Variants in TUSC3 observed in about 807,000 individuals in gnomAD.
TUSC3 encodes tumor suppressor candidate 3, also known as dolichyl-diphosphooligosaccharide--protein glycosyltransferase subunit TUSC3.
In TUSC3, 45 loss-of-function variants were observed where a neutral mutation model predicts 44.8. That is an observed-to-expected ratio of 1.00 (90% confidence interval 0.79 to 1.29). TUSC3 has a LOEUF of 1.29. TUSC3 is among the 50% of genes most tolerant of loss of function. The pLI, the probability that TUSC3 is intolerant of heterozygous loss-of-function variation, is 0.00. For synonymous variants in TUSC3, 212 were observed against 152.9 expected, an observed-to-expected ratio of 1.39 and a Z score of -2.85; for missense variants, 519 against 437.9, an observed-to-expected ratio of 1.19 and a Z score of -1.65.
intron 1 of TUSC3, among the ~76,000 whole-genome samples, chr8:15,454,273 C>G (rs1175130075): frequency 6.6e-6 from 1 of 152,148 alleles, no homozygotes; most frequent in Non-Finnish European, 1.5e-5. Flanking sequence ...CATTTTATTC[C>G]TGATCTAAAG....
the TUSC3 span, among the ~76,000 whole-genome samples, chr8:15,785,811 A>C: frequency 6.9e-6 from 1 of 144,530 alleles, no homozygotes; most frequent in African/African-American, 2.4e-5. Context: ...CTAACGTGCC[A>C]GGAAATGAAA....
rs1812333141 is a variant in TUSC3 at position 15,766,633 on chromosome 8, G to A, written c.*2477G>A. ...TGTTCCTGGCATTAGATATTCACAT[G>A]AGTAAGCCCAGTAGCATTTTGTGCT... On this transcript the variant is annotated 3_prime_UTR_variant, in exon 11 of 11. Coordinates refer to ENST00000503731, the MANE Select transcript of TUSC3 (RefSeq NM_006765.4). 6.6e-6 allele frequency: 1 copy of A among 151,982 alleles called. No homozygotes were observed. Among genetic ancestry groups the A allele is most frequent in the Non-Finnish European group, 1.5e-5 (1 of 67,994 alleles). 9.4% of individuals were successfully genotyped at this position (151,982 alleles called of 1,614,324 possible).
intron 6 of TUSC3, among the ~76,000 whole-genome samples, chr8:15,702,436 A>G (rs1809444983): frequency 6.6e-6 from 1 of 152,168 alleles, no homozygotes; most frequent in Admixed American, 6.5e-5. Flanking sequence ...GAAATGCTTA[A>G]TAGTGCTTTC....
At chr8:15,555,849 G>C (rs893456821) in intron 1 of TUSC3, among the ~76,000 whole-genome samples, 1 of 151,330 alleles carries the variant, frequency 6.6e-6, no homozygotes, top group Non-Finnish European at 1.5e-5. Flanking sequence ...TCTTTCAGCT[G>C]TGGGTCATTT....
At chr8:15,767,554 C>A (rs957590418), downstream of TUSC3, among the ~76,000 whole-genome samples, 2 of 152,016 alleles carry the variant, frequency 1.3e-5, no homozygotes, top group African/African-American at 4.8e-5. Flanking sequence ...TGAAACTCAG[C>A]TGGATAGCTT....
chr8:15,614,384 C>T (rs1375810126), intron 1 of TUSC3, among the ~76,000 whole-genome samples: 1 of 152,104 alleles, frequency 6.6e-6, no homozygotes, highest in Non-Finnish European at 1.5e-5. Flanking sequence ...ACAACCATCA[C>T]TAGAAATCAG....
At chr8:15,847,186 T>A in the TUSC3 span, among the ~76,000 whole-genome samples, 473 of 152,244 alleles carry the variant, frequency 3.1e-3, 1 homozygote, top group African/African-American at 0.011. Flanking sequence ...GGGAAGGACT[T>A]TGAACCCCTG....
At chr8:15,531,158 A>T (rs954079828) in intron 2 of TUSC3, among the ~76,000 whole-genome samples, 2 of 152,216 alleles carry the variant, frequency 1.3e-5, no homozygotes, top group African/African-American at 4.8e-5. Context: ...AGGCCAACAA[A>T]TAAAATCCCA....
At chr8:15,491,647 A>T (rs980504174) in intron 2 of TUSC3, among the ~76,000 whole-genome samples, 1 of 152,180 alleles carries the variant, frequency 6.6e-6, no homozygotes, top group Non-Finnish European at 1.5e-5. Flanking sequence ...CCTTCTGTGC[A>T]ATATTCTTTC....
intron 9 of TUSC3, among the ~76,000 whole-genome samples, chr8:15,751,754 G>C (rs368497650): frequency 6.6e-6 from 1 of 152,134 alleles, no homozygotes; most frequent in African/African-American, 2.4e-5. Context: ...ATGTATTTGG[G>C]AAAAAGGTGT....
At chr8:15,741,199 C>T (rs963381783) in intron 7 of TUSC3, among the ~76,000 whole-genome samples, 2 of 152,030 alleles carry the variant, frequency 1.3e-5, no homozygotes, top group African/African-American at 4.8e-5. Context: ...ACCCTAAGAA[C>T]ATACTAATAT....
At chr8:15,443,337 TG>T (rs1800045856) in intron 1 of TUSC3, among the ~76,000 whole-genome samples, 951 of 8,148 alleles carry the variant, frequency 0.12, 10 homozygotes, top group African/African-American at 0.29. Context: ...CCCACCTAAT[TG>T]TGTGTGTGTG....
intron 2 of TUSC3, among the ~76,000 whole-genome samples, chr8:15,502,158 C>T (rs557816322): frequency 1.3e-5 from 2 of 152,174 alleles, no homozygotes; most frequent in Non-Finnish European, 2.9e-5. Flanking sequence ...ACACTGTTCA[C>T]GTGTAAGTCA....
chr8:15,490,953 C>T (rs2129125791), intron 2 of TUSC3, among the ~76,000 whole-genome samples: 1 of 152,220 alleles, frequency 6.6e-6, no homozygotes, highest in East Asian at 1.9e-4. Flanking sequence ...TCCATGCTTT[C>T]TTCCAAAGAG....
chr8:15,643,419 T>TTC (rs2129172562), intron 2 of TUSC3, among the ~76,000 whole-genome samples: 1 of 152,170 alleles, frequency 6.6e-6, no homozygotes, highest in African/African-American at 2.4e-5. Context: ...TGTTTTTTTT[T>TTC]TTTTAAGGAG....
At chr8:15,775,559 C>T in the TUSC3 span, among the ~76,000 whole-genome samples, 11 of 151,550 alleles carry the variant, frequency 7.3e-5, no homozygotes, top group South Asian at 4.2e-4. Flanking sequence ...TTCTCTTATC[C>T]GGACTTCAGT....
At chr8:15,701,076 C>T (rs952264248) in intron 6 of TUSC3, among the ~76,000 whole-genome samples, 4 of 151,920 alleles carry the variant, frequency 2.6e-5, no homozygotes, top group East Asian at 1.9e-4. Flanking sequence ...CAAGTACATC[C>T]ATCTTGTCTG....
intron 1 of TUSC3, among the ~76,000 whole-genome samples, chr8:15,419,130 G>A (rs2129114709): frequency 6.6e-6 from 1 of 152,288 alleles, no homozygotes; most frequent in Non-Finnish European, 1.5e-5. Context: ...GCTGTGTAAA[G>A]AAGTCCATTT....
chr8:15,447,301 A>G (rs1042960633), intron 1 of TUSC3, among the ~76,000 whole-genome samples: 1 of 152,170 alleles, frequency 6.6e-6, no homozygotes, highest in Non-Finnish European at 1.5e-5. Flanking sequence ...GAAAAACGTT[A>G]TAACTCAATT....
Sources: allele counts gnomAD v4.1 joint callset (sites outside exome capture counted in the v4.1 genomes callset), GRCh38; gene constraint gnomAD v4.1.1; transcripts MANE v1.5; gene names NCBI Gene and HGNC (gene_info 2026-07-23, HGNC 2026-07-21).